CCDC73: variants seen among roughly 807,000 people sequenced by gnomAD.
The protein encoded by CCDC73 is coiled-coil domain containing 73.
CCDC73 carries 95 observed loss-of-function variants against 116.5 expected under a neutral mutation model. The observed-to-expected ratio is 0.82, with a 90% CI of 0.69 to 0.97. CCDC73 has a LOEUF of 0.97. Ranked by LOEUF, CCDC73 falls within the 50% of genes least tolerant of loss-of-function variation. The pLI is 0.00. For missense variants in CCDC73, 1,066 were observed against 1,206.8 expected (o/e 0.88, Z 1.73); for synonymous variants, 398 against 401.3 (o/e 0.99, Z 0.10).
chr11:32,718,162 AAAAG>A lies in CCDC73; in HGVS notation c.136-19_136-16del, dbSNP rs762132577. The A allele has an allele frequency of 3.2e-6, 5 of 1,546,616 alleles. No homozygotes were observed. The African/African-American group carries it at 4.1e-5, about 13-fold the overall frequency. ...ATTTCTGCTTCCTAAGTCAAAAAGA[AAAAG>A]AAAAGTGCTATAAAAATAAAGACTT... On this transcript the variant is annotated splice_polypyrimidine_tract_variant and intron_variant, in intron 2 of 17. Coordinates refer to ENST00000335185, the MANE Select transcript of CCDC73 (RefSeq NM_001008391.4).
rs1855578065 is a variant in CCDC73 at position 32,626,774 on chromosome 11, T to C, written c.1185+8922A>G. Among the ~76,000 whole-genome samples the C allele has an allele frequency of 2.0e-5, 3 of 152,214 alleles. No homozygotes were observed. In the South Asian group the frequency reaches 6.2e-4, roughly 32 times the overall value. The stretch of plus-strand genomic sequence containing the variant: ...GCTGGGAAAACTGGCTAGCCACATG[T>C]AGAAAGCTGAAACTGGATCCCTTCC... On this transcript the variant is annotated intron_variant, in intron 14 of 17. Transcript: ENST00000335185.
intron 9 of CCDC73, among the ~76,000 whole-genome samples, chr11:32,665,254 G>T (rs1042662694): frequency 6.6e-6 from 1 of 152,226 alleles, no homozygotes; most frequent in African/African-American, 2.4e-5. Context: ...TGTTGACAGT[G>T]GGGTGTTAAA....
At chr11:32,767,775 C>T (rs7111293) in intron 1 of CCDC73, among the ~76,000 whole-genome samples, 2,580 of 152,300 alleles carry the variant, frequency 0.017, 76 homozygotes, top group African/African-American at 0.057. Context: ...CAGTGAGATA[C>T]CATCTCACTC....
At chr11:32,780,565 T>C (rs1850574724) in intron 1 of CCDC73, among the ~76,000 whole-genome samples, 1 of 152,124 alleles carries the variant, frequency 6.6e-6, no homozygotes, top group Non-Finnish European at 1.5e-5. Context: ...TACAACAAAA[T>C]ATTTACTAAT....
the CCDC73 span, among the ~76,000 whole-genome samples, chr11:32,818,401 C>A: frequency 1.7e-4 from 26 of 152,256 alleles, no homozygotes; most frequent in South Asian, 1.0e-3. Flanking sequence ...GCATAATAAT[C>A]GGGTCTACTG....
intron 2 of CCDC73, among the ~76,000 whole-genome samples, chr11:32,753,964 A>G (rs769962806): frequency 6.7e-6 from 1 of 149,976 alleles, no homozygotes; most frequent in Non-Finnish European, 1.5e-5. Flanking sequence ...AATACCACTT[A>G]CTGACTATTG....
chr11:32,820,090 G>T, the CCDC73 span, among the ~76,000 whole-genome samples: 2 of 152,060 alleles, frequency 1.3e-5, no homozygotes, highest in Non-Finnish European at 2.9e-5. Context: ...TCATTTGAAA[G>T]TAGAGGGGAA....
chr11:32,719,824 G>A lies in CCDC73; in HGVS notation c.136-1677C>T, dbSNP rs566857667. ...ACTTAGAGAAATTGGCCAATGTCTC[G>A]AAAGCCACAAACTATCAAAACTCAA... On this transcript the variant is annotated intron_variant, in intron 2 of 17. Coordinates refer to ENST00000335185, the MANE Select transcript of CCDC73 (RefSeq NM_001008391.4). 1.6e-4 allele frequency among the ~76,000 whole-genome samples: 24 copies of A among 152,048 alleles called. No homozygotes were observed. The East Asian group carries it at 4.1e-3, about 26-fold the overall frequency.
intron 2 of CCDC73, among the ~76,000 whole-genome samples, chr11:32,750,834 A>G (rs1850282045): frequency 6.6e-6 from 1 of 152,160 alleles, no homozygotes; most frequent in Admixed American, 6.5e-5. Context: ...CTAAGCTGCA[A>G]GAAAAGTTCC....
intron 1 of CCDC73, among the ~76,000 whole-genome samples, chr11:32,760,813 C>T (rs1850385587): frequency 6.6e-6 from 1 of 152,168 alleles, no homozygotes; most frequent in African/African-American, 2.4e-5. Context: ...CAGGTAGTTG[C>T]AAAAGAATGT....
the CCDC73 span, among the ~76,000 whole-genome samples, chr11:32,808,783 A>G: frequency 6.6e-6 from 1 of 152,258 alleles, no homozygotes; most frequent in Admixed American, 6.5e-5. Context: ...ATGGTTTTCC[A>G]TAATTATGAA....
At chr11:32,669,729 C>T (rs2133281368) in intron 9 of CCDC73, among the ~76,000 whole-genome samples, 1 of 152,156 alleles carries the variant, frequency 6.6e-6, no homozygotes, top group East Asian at 1.9e-4. Context: ...TCTTTCTGTG[C>T]CTGGCTTATT....
chr11:32,647,781 T>A (rs191412366), intron 12 of CCDC73, among the ~76,000 whole-genome samples: 1 of 151,762 alleles, frequency 6.6e-6, no homozygotes, highest in African/African-American at 2.4e-5. Context: ...ACTTCCAACC[T>A]CTTGTCAATA....
chr11:32,814,986 A>G, the CCDC73 span, among the ~76,000 whole-genome samples: 1 of 152,202 alleles, frequency 6.6e-6, no homozygotes, highest in East Asian at 1.9e-4. Flanking sequence ...CCAAATCCAC[A>G]CAGACAGAAG....
chr11:32,793,095 T>A (rs1407874527), intron 1 of CCDC73, among the ~76,000 whole-genome samples: 1 of 152,208 alleles, frequency 6.6e-6, no homozygotes, highest in Non-Finnish European at 1.5e-5. Context: ...AAATCTGTCA[T>A]TCGCTTCCTT....
chr11:32,629,910 C>A (rs1590555053), intron 14 of CCDC73, among the ~76,000 whole-genome samples: 2 of 102,968 alleles, frequency 1.9e-5, no homozygotes, highest in African/African-American at 4.2e-5. Flanking sequence ...GAAAGAATTC[C>A]AGCAGATATG....
intron 3 of CCDC73, among the ~76,000 whole-genome samples, chr11:32,713,747 C>T (rs1332225778): frequency 1.3e-5 from 2 of 152,014 alleles, no homozygotes; most frequent in Admixed American, 1.3e-4. Flanking sequence ...GAAATTACCC[C>T]TCAGAGCAAG....
chr11:32,767,590 T>C (rs1435078894), intron 1 of CCDC73, among the ~76,000 whole-genome samples: 9 of 152,036 alleles, frequency 5.9e-5, no homozygotes, highest in Admixed American at 2.6e-4. Context: ...AGGGCTAATA[T>C]CCAGAATCTA....
chr11:32,647,300 A>G (rs946609531), intron 12 of CCDC73, among the ~76,000 whole-genome samples: 4 of 152,206 alleles, frequency 2.6e-5, no homozygotes, highest in African/African-American at 9.7e-5. Context: ...AGAGCAAGGC[A>G]GGCAGGTGCC....
Sources: gnomAD v4.1 joint callset for allele counts (sites outside exome capture counted in the v4.1 genomes callset) on GRCh38, gnomAD v4.1.1 for gene constraint, MANE v1.5 for transcripts, NCBI Gene and HGNC (gene_info 2026-07-23, HGNC 2026-07-21) for gene names.